Variants in COPZ1 observed in about 807,000 individuals in gnomAD.
COPZ1 encodes the protein coat protein complex I subunit zeta 1.
In COPZ1, 4 loss-of-function variants were observed where a neutral mutation model predicts 31.7. The observed-to-expected ratio is 0.13, with a 90% CI of 0.06 to 0.29. The LOEUF is 0.29. COPZ1 is among the 10% of genes least tolerant of loss of function. The probability of loss-of-function intolerance (pLI) is 1.00; values close to 1 mark genes in which losing one functional copy is unlikely to be tolerated. For synonymous variants in COPZ1, 74 were observed against 79.0 expected, an observed-to-expected ratio of 0.94 and a Z score of 0.33; for missense variants, 156 against 211.5, an observed-to-expected ratio of 0.74 and a Z score of 1.63.
intron 1 of COPZ1, among the ~76,000 whole-genome samples, chr12:54,335,827 A>G (rs990593866): frequency 6.6e-6 from 1 of 151,898 alleles, no homozygotes; most frequent in Non-Finnish European, 1.5e-5. Flanking sequence ...GCATGCCACC[A>G]TGCCTGGCTA....
chr12:54,333,298 T>A (rs1242907386), intron 1 of COPZ1, among the ~76,000 whole-genome samples: 1 of 151,904 alleles, frequency 6.6e-6, no homozygotes, highest in Admixed American at 6.6e-5. Flanking sequence ...TGTCCCCACA[T>A]TGGCCTCCCA....
intron 8 of COPZ1, 190 bp from the exon 9 acceptor site, chr12:54,350,286 T>G: frequency 1.3e-6 from 1 of 747,600 alleles, no homozygotes; most frequent in Non-Finnish European, 2.4e-6. Flanking sequence ...GGGTTTGAAT[T>G]TTTTTGGAAT....
In COPZ1 at chr12:54,336,884, T is replaced by C. The variant is rs866581411; in HGVS notation, c.19-3663T>C. Among the ~76,000 whole-genome samples the C allele has an allele frequency of 7.9e-5, 12 of 151,782 alleles. No individual in the cohort carries two copies. In the South Asian group the frequency reaches 2.3e-3, roughly 29 times the overall value. On this transcript the variant is annotated intron_variant, in intron 1 of 8. Transcript: ENST00000262061. Reference sequence around the variant, plus strand: ...TAAAAATACAAAAATTAGCTGGGCATGGGGGTGTGTGCCTGTAGTCCCAGC... The same window carrying C: ...TAAAAATACAAAAATTAGCTGGGCACGGGGGTGTGTGCCTGTAGTCCCAGC...
chr12:54,342,495 T>A, intron 3 of COPZ1: 1 of 570,904 alleles, frequency 1.8e-6, no homozygotes, highest in Admixed American at 3.0e-5. Context: ...GGCTGTTAGC[T>A]ACCTGTCTAG....
At chr12:54,341,316 T>C (rs1953969054) in intron 2 of COPZ1, among the ~76,000 whole-genome samples, 1 of 152,152 alleles carries the variant, frequency 6.6e-6, no homozygotes, top group South Asian at 2.1e-4. Context: ...ACCTCCTGAC[T>C]TTCCCAGAGT....
At chr12:54,338,852 C>T (rs923741151) in intron 1 of COPZ1, among the ~76,000 whole-genome samples, 2 of 152,194 alleles carry the variant, frequency 1.3e-5, no homozygotes, top group Non-Finnish European at 2.9e-5. Context: ...TACTTCCATT[C>T]TGAACTGCCC....
Position 54,337,149 on chromosome 12 carries a change from A to G in COPZ1, c.19-3398A>G. ...TTCTTGTTTTCTTGATAATAAAAAC[A>G]TAAATACATGAAAATCTGTCTAAGT... is the stretch of plus-strand genomic sequence containing the variant. On this transcript the variant is annotated intron_variant, in intron 1 of 8. Transcript: ENST00000262061. The G allele has an allele frequency of 9.4e-6, 5 of 532,374 alleles. No homozygotes were observed. The East Asian group carries it at 2.7e-4, about 29-fold the overall frequency. The allele number at this position is 532,374 out of a possible 1,614,324, so 33.0% of individuals were successfully genotyped here.
intron 1 of COPZ1, chr12:54,337,121 G>C: frequency 1.9e-6 from 1 of 524,968 alleles, no homozygotes; most frequent in Non-Finnish European, 3.9e-6. Flanking sequence ...CTTGAGGACA[G>C]CATTCTTGTT....
intron 8 of COPZ1, 154 bp downstream of exon 8, chr12:54,349,812 G>T: frequency 1.3e-6 from 1 of 747,232 alleles, no homozygotes; most frequent in South Asian, 1.5e-5. Context: ...GACTCATACA[G>T]CCAGCCACTC....
chr12:54,339,359 T>G (rs897567290), intron 1 of COPZ1, among the ~76,000 whole-genome samples: 4 of 151,736 alleles, frequency 2.6e-5, no homozygotes, highest in Admixed American at 2.6e-4. Flanking sequence ...TTCTATTCAA[T>G]CAATTAGAGA....
chr12:54,347,534 T>C (rs1725569738), intron 5 of COPZ1, among the ~76,000 whole-genome samples: 1 of 152,232 alleles, frequency 6.6e-6, no homozygotes, highest in Admixed American at 6.5e-5. Context: ...AACCCCTGAA[T>C]AGTCAGAAAT....
intron 8 of COPZ1, 37 bp downstream of exon 8, chr12:54,349,695 G>T: frequency 6.4e-7 from 1 of 1,550,996 alleles, no homozygotes; most frequent in Non-Finnish European, 8.9e-7. Context: ...GATGGACTGG[G>T]TCACTAAAGA....
intron 1 of COPZ1, among the ~76,000 whole-genome samples, chr12:54,337,604 C>T (rs1227771021): frequency 6.6e-6 from 1 of 152,232 alleles, no homozygotes; most frequent in Non-Finnish European, 1.5e-5. Context: ...AAGCCCCAGG[C>T]TGAAGTGGAA....
Position 54,347,756 on chromosome 12 carries a change from T to A in COPZ1, c.318-11T>A, listed in dbSNP as rs1179805556. ...AGTTGGTTATTCTCTTCTCTTCTCTTGGGGACTCAGGAAAAATGTAGAAAA... is the reference window on the plus strand; with the variant it reads ...AGTTGGTTATTCTCTTCTCTTCTCTAGGGGACTCAGGAAAAATGTAGAAAA... On this transcript the variant is annotated splice_polypyrimidine_tract_variant and intron_variant, in intron 5 of 8. Coordinates refer to ENST00000262061, the MANE Select transcript of COPZ1 (RefSeq NM_016057.3). The A allele has an allele frequency of 6.2e-7, 1 of 1,609,362 alleles. No individual in the cohort carries two copies. The highest frequency in any genetic ancestry group is 8.5e-7 in the Non-Finnish European group (1 of 1,178,702).
At chr12:54,326,639 G>GT (rs1953649548) in intron 1 of COPZ1, among the ~76,000 whole-genome samples, 1 of 92,942 alleles carries the variant, frequency 1.1e-5, no homozygotes, top group Non-Finnish European at 2.1e-5. Flanking sequence ...CGATTTGGAG[G>GT]GGTGTGTGTG....
intron 1 of COPZ1, among the ~76,000 whole-genome samples, chr12:54,326,643 GTGTGTGTGTGT>G (rs1953650793): frequency 2.2e-4 from 5 of 22,920 alleles, no homozygotes; most frequent in African/African-American, 2.1e-3. Flanking sequence ...TTGGAGGGGT[GTGTGTGTGTGT>G]GTGTGTGTGT....
At chr12:54,327,189 C>T (rs1953671752) in intron 1 of COPZ1, among the ~76,000 whole-genome samples, 1 of 151,478 alleles carries the variant, frequency 6.6e-6, no homozygotes, top group Admixed American at 6.6e-5. Context: ...CCATGTTTGC[C>T]AGGCTGGTCT....
intron 1 of COPZ1, among the ~76,000 whole-genome samples, chr12:54,326,885 T>C (rs550017037): frequency 7.3e-5 from 11 of 151,232 alleles, no homozygotes; most frequent in African/African-American, 2.4e-4. Context: ...CTTATGTCGG[T>C]TGGTCAAATA....
intron 3 of COPZ1, among the ~76,000 whole-genome samples, chr12:54,342,832 A>G (rs1257894039): frequency 6.7e-6 from 1 of 149,614 alleles, no homozygotes; most frequent in African/African-American, 2.5e-5. Context: ...GCTGGATACT[A>G]GGAATTCATG....
Sources: allele counts gnomAD v4.1 joint callset (sites outside exome capture counted in the v4.1 genomes callset), GRCh38; gene constraint gnomAD v4.1.1; transcripts MANE v1.5; gene names NCBI Gene and HGNC (gene_info 2026-07-23, HGNC 2026-07-21).